Variants in DACH1 observed in about 807,000 individuals in gnomAD.
DACH1 encodes the protein dachshund family transcription factor 1, also known as dachshund homolog 1.
In DACH1, 12 loss-of-function variants were observed where a neutral mutation model predicts 54.2. The observed-to-expected ratio is 0.22, with a 90% confidence interval of 0.14 to 0.36. The LOEUF is 0.36. DACH1 is among the 10% of genes least tolerant of loss of function. The probability of loss-of-function intolerance (pLI) is 1.00; values close to 1 mark genes in which losing one functional copy is unlikely to be tolerated. For synonymous variants in DACH1, 386 were observed against 366.2 expected (o/e 1.05, Z -0.62); for missense variants, 805 against 929.8 (o/e 0.87, Z 1.75).
rs770935512 is a variant in DACH1, at chr13:71,557,016, T to C, written c.1570+8A>G. 3 of 1,594,642 alleles carry C rather than the reference T, an allele frequency of 1.9e-6. No homozygotes were observed. The highest frequency in any genetic ancestry group is 1.4e-5 in the African/African-American group (1 of 73,478). The stretch of plus-strand genomic sequence containing the variant: ...GGGAAAAACAAGGAATATATAATCA[T>C]ACATTACCTTTTTCAATATGCATCC... On this transcript the variant is annotated splice_region_variant and intron_variant, in intron 6 of 10. Transcript: ENST00000613252.
At chr13:71,841,579 A>G (rs1447954762) in intron 1 of DACH1, among the ~76,000 whole-genome samples, 5 of 152,170 alleles carry the variant, frequency 3.3e-5, no homozygotes, top group African/African-American at 1.2e-4. Flanking sequence ...TGAAAATTAA[A>G]TTTAGTTACA....
chr13:71,854,752 C>A (rs544312484), intron 1 of DACH1, among the ~76,000 whole-genome samples: 14 of 152,048 alleles, frequency 9.2e-5, no homozygotes, highest in African/African-American at 2.7e-4. Context: ...AGTGCAATAG[C>A]CATGTTAAAT....
intron 1 of DACH1, among the ~76,000 whole-genome samples, chr13:71,739,176 T>A (rs1227068273): frequency 1.3e-5 from 2 of 151,874 alleles, no homozygotes; most frequent in African/African-American, 4.8e-5. Flanking sequence ...CTCTTGGACC[T>A]AGGAGGTGGA....
intron 3 of DACH1, among the ~76,000 whole-genome samples, chr13:71,620,714 T>A (rs1457053995): frequency 6.6e-6 from 1 of 152,026 alleles, no homozygotes. Context: ...ATATGCTTTC[T>A]GAAAAAAATC....
At chr13:71,559,698 G>A (rs1360352811) in intron 5 of DACH1, 122 bp downstream of exon 5, 6 of 1,265,256 alleles carry the variant, frequency 4.7e-6, no homozygotes, top group Non-Finnish European at 6.7e-6. Context: ...GATGGCTATT[G>A]CTACAGAGTT....
At chr13:71,863,929 C>A (rs1874522831) in intron 1 of DACH1, among the ~76,000 whole-genome samples, 1 of 151,324 alleles carries the variant, frequency 6.6e-6, no homozygotes, top group African/African-American at 2.4e-5. Context: ...ACTGGATAGG[C>A]AGACAATTTT....
intron 1 of DACH1, among the ~76,000 whole-genome samples, chr13:71,688,064 TCTTTC>T (rs1487384898): frequency 6.6e-6 from 1 of 152,218 alleles, no homozygotes; most frequent in South Asian, 2.1e-4. Context: ...GTCCTTTTAA[TCTTTC>T]CTTTCCATTT....
intron 6 of DACH1, among the ~76,000 whole-genome samples, chr13:71,506,594 C>T (rs1455648791): frequency 6.6e-6 from 1 of 151,886 alleles, no homozygotes; most frequent in South Asian, 2.1e-4. Flanking sequence ...GCCCGCATCG[C>T]CAAGTCAATC....
At chr13:71,592,432 T>C (rs1221554979) in intron 3 of DACH1, among the ~76,000 whole-genome samples, 3 of 144,542 alleles carry the variant, frequency 2.1e-5, no homozygotes, top group Admixed American at 7.0e-5. Context: ...GAGGTCGAGG[T>C]TGCATTGAGT....
chr13:71,563,922 A>C (rs1884751616), intron 4 of DACH1, among the ~76,000 whole-genome samples: 1 of 151,834 alleles, frequency 6.6e-6, no homozygotes, highest in Non-Finnish European at 1.5e-5. Flanking sequence ...ATTGAGACAC[A>C]ACATATTCAG....
chr13:71,624,907 G>C (rs1371131725), intron 3 of DACH1, among the ~76,000 whole-genome samples: 2 of 151,816 alleles, frequency 1.3e-5, no homozygotes, highest in Admixed American at 1.3e-4. Flanking sequence ...ACTCAATCCG[G>C]CTCCATCTCT....
Position 71,719,627 on chromosome 13 carries a change from A to G in DACH1, c.849-37717T>C, listed in dbSNP as rs542797078. 2.6e-5 allele frequency among the ~76,000 whole-genome samples: 4 copies of G among 152,276 alleles called. No homozygotes were observed. In the South Asian group the frequency reaches 6.2e-4, roughly 24 times the overall value. ...CTTTCCATCAAAAACAGATTTTAAA[A>G]GTGGCCTTGGGAGGATTGTCTGAGC... On this transcript the variant is annotated intron_variant, in intron 1 of 10. Coordinates refer to ENST00000613252, the MANE Select transcript of DACH1 (RefSeq NM_080759.6).
intron 1 of DACH1, among the ~76,000 whole-genome samples, chr13:71,813,645 C>T (rs1887803754): frequency 6.6e-6 from 1 of 152,116 alleles, no homozygotes; most frequent in Non-Finnish European, 1.5e-5. Flanking sequence ...TCTCATTTGA[C>T]TAGTTCTCAT....
chr13:71,835,895 G>A (rs35428997), intron 1 of DACH1, among the ~76,000 whole-genome samples: 4,723 of 151,916 alleles, frequency 0.031, 104 homozygotes, highest in Non-Finnish European at 0.047. Context: ...TCATAAAATC[G>A]CAGAGATCTG....
intron 6 of DACH1, among the ~76,000 whole-genome samples, chr13:71,544,801 A>G (rs1883354024): frequency 6.6e-6 from 1 of 152,056 alleles, no homozygotes; most frequent in Non-Finnish European, 1.5e-5. Flanking sequence ...AAATCTTATC[A>G]GGGCCCTCCA....
intron 1 of DACH1, among the ~76,000 whole-genome samples, chr13:71,694,293 T>G (rs1566438113): frequency 1.3e-5 from 2 of 152,048 alleles, no homozygotes; most frequent in Non-Finnish European, 2.9e-5. Context: ...GAAGCACAAA[T>G]TCAGACACCA....
chr13:71,610,155 G>A (rs1321022376), intron 3 of DACH1, among the ~76,000 whole-genome samples: 5 of 151,682 alleles, frequency 3.3e-5, no homozygotes, highest in African/African-American at 1.2e-4. Flanking sequence ...TTTCCAAGTG[G>A]GAAAGATGAT....
At chr13:71,624,396 A>C (rs1008222930) in intron 3 of DACH1, among the ~76,000 whole-genome samples, 9 of 151,932 alleles carry the variant, frequency 5.9e-5, no homozygotes, top group African/African-American at 1.9e-4. Flanking sequence ...CAAATTCATT[A>C]ATTAAACTAC....
At chr13:71,674,215 A>T (rs531041091) in intron 2 of DACH1, among the ~76,000 whole-genome samples, 1 of 152,302 alleles carries the variant, frequency 6.6e-6, no homozygotes, top group Non-Finnish European at 1.5e-5. Flanking sequence ...TGGACTTCTC[A>T]TAATACTTAG....
Sources: gnomAD v4.1 joint callset for allele counts (sites outside exome capture counted in the v4.1 genomes callset) on GRCh38, gnomAD v4.1.1 for gene constraint, MANE v1.5 for transcripts, NCBI Gene and HGNC (gene_info 2026-07-23, HGNC 2026-07-21) for gene names.